Variants in HTT observed in about 807,000 individuals in gnomAD.
HTT encodes the protein huntington disease protein.
Under a neutral mutation model 362.3 loss-of-function variants are expected in HTT, and 104 were observed. The observed-to-expected ratio is 0.29, with a 90% CI of 0.24 to 0.34. The LOEUF is 0.34. Among genes scored for constraint, HTT ranks in the 10% least tolerant of loss-of-function variants. The probability of loss-of-function intolerance (pLI) is 1.00; values close to 1 mark genes in which losing one functional copy is unlikely to be tolerated. For missense variants in HTT, 3,301 were observed against 3,928.6 expected (o/e 0.84, Z 4.27); for synonymous variants, 1,577 against 1,548.7 (o/e 1.02, Z -0.43).
chr4:3,127,552 C>T lies in HTT; in HGVS notation c.1691C>T (p.Thr564Ile), dbSNP rs1209241826. The change falls in exon 12 of 67, where the codon ACC becomes ATC. Residue 564 changes from threonine (T) to isoleucine (I), a missense_variant. Physicochemically the swap from Thr to Ile is moderately conservative, Grantham distance 89 (BLOSUM62 -1). Transcript: ENST00000355072. ...TCGCCCATCAGCGACAGCTCCCAGA[C>T]CACCACCGAAGGGCCTGATTCAGCT... ...ASSPISDSSQ[T>I]TTEGPDSAVT... is the part of the protein sequence containing the mutation. 6.2e-7 allele frequency: 1 copy of T among 1,614,160 alleles called. No homozygotes were observed. The highest frequency in any genetic ancestry group is 1.1e-5 in the South Asian group (1 of 91,086).
intron 26 of HTT, among the ~76,000 whole-genome samples, chr4:3,151,072 G>A (rs1716864371): frequency 6.6e-6 from 1 of 151,728 alleles, no homozygotes. Context: ...AAAAAAACCA[G>A]GCTGCACAGG....
At chr4:3,221,841 A>G (rs1276361237) in intron 53 of HTT, among the ~76,000 whole-genome samples, 1 of 152,238 alleles carries the variant, frequency 6.6e-6, no homozygotes, top group East Asian at 1.9e-4. Context: ...CTATTCTTCT[A>G]GACAGGTCAG....
rs755283259 is a variant in HTT at position 3,132,554 on chromosome 4, C to G, written c.2237-8C>G. The G allele has an allele frequency of 6.2e-6, 10 of 1,611,358 alleles. No homozygotes were observed. The South Asian group carries it at 8.8e-5, about 14-fold the overall frequency. ...ATTGTTCCATGGCTGAGCAATTTAT[C>G]TCCACAGAGGAACAGTATGTCTCAG... On this transcript the variant is annotated splice_polypyrimidine_tract_variant and splice_region_variant and intron_variant, in intron 16 of 66. Transcript: ENST00000355072.
chr4:3,130,078 G>C (rs1715729895), intron 13 of HTT, 31 bp downstream of exon 13: 1 of 1,559,926 alleles, frequency 6.4e-7, no homozygotes, highest in Non-Finnish European at 8.6e-7. Context: ...GCGCTACAAA[G>C]TGGTTTGTAT....
chr4:3,197,596 T>A (rs1042921769), intron 40 of HTT, among the ~76,000 whole-genome samples: 2 of 152,118 alleles, frequency 1.3e-5, no homozygotes, highest in African/African-American at 2.4e-5. Context: ...CCTTGTGCAG[T>A]GCTGAGCCCT....
chr4:3,164,536 T>C (rs540761748), intron 29 of HTT, among the ~76,000 whole-genome samples: 16 of 152,186 alleles, frequency 1.1e-4, no homozygotes, highest in Non-Finnish European at 1.6e-4. Flanking sequence ...TGTTAAAGTC[T>C]CCCACTATTA....
At chr4:3,166,072 T>C (rs531145757) in intron 29 of HTT, among the ~76,000 whole-genome samples, 2 of 152,342 alleles carry the variant, frequency 1.3e-5, no homozygotes, top group Non-Finnish European at 2.9e-5. Context: ...TCTTTGATGT[T>C]GGTGACCTAC....
intron 59 of HTT, 80 bp from the exon 60 acceptor site, chr4:3,229,807 A>G (rs1578611533): frequency 1.4e-6 from 2 of 1,437,304 alleles, no homozygotes; most frequent in East Asian, 4.6e-5. Flanking sequence ...ACGACTTGCC[A>G]GTAGTAGCGT....
In HTT at chr4:3,229,828, T is replaced by C. The variant is rs975018254; in HGVS notation, c.8110-59T>C. 2.5e-6 allele frequency: 4 copies of C among 1,573,442 alleles called. No homozygotes were observed. In the African/African-American group the frequency reaches 5.4e-5, roughly 21 times the overall value. Reference sequence around the variant, plus strand: ...TGCCAGTAGTAGCGTTCTGGATGCGTTGCCTGGATTCTAACAGCGCGATTC... The same window carrying C: ...TGCCAGTAGTAGCGTTCTGGATGCGCTGCCTGGATTCTAACAGCGCGATTC... On this transcript the variant is annotated intron_variant, in intron 59 of 66. Coordinates refer to ENST00000355072, the MANE Select transcript of HTT (RefSeq NM_001388492.1).
chr4:3,230,849 G>A (rs1471791873), intron 60 of HTT, among the ~76,000 whole-genome samples: 1 of 152,182 alleles, frequency 6.6e-6, no homozygotes, highest in Non-Finnish European at 1.5e-5. Flanking sequence ...TTGTACTGTG[G>A]CACTGCAAAT....
Position 3,106,666 on chromosome 4 carries a change from T to G in HTT, c.609-619T>G, listed in dbSNP as rs114063540. 5.6e-3 allele frequency among the ~76,000 whole-genome samples: 854 copies of G among 152,174 alleles called. 6 individuals are homozygous for G. Among genetic ancestry groups the G allele is most frequent in the African/African-American group, 0.019 (810 of 41,544 alleles). ...TCATTAGTCTGATTAGAGTCAGGTT[T>G]TTCTTCCTCCTGATGGTTTTTTTTT... is the stretch of plus-strand genomic sequence containing the variant. On this transcript the variant is annotated intron_variant, in intron 5 of 66. Coordinates refer to ENST00000355072, the MANE Select transcript of HTT (RefSeq NM_001388492.1).
chr4:3,079,969 T>G (rs1712801987), intron 1 of HTT, among the ~76,000 whole-genome samples: 1 of 152,240 alleles, frequency 6.6e-6, no homozygotes, highest in African/African-American at 2.4e-5. Context: ...GTTATCAGGT[T>G]TGTATTCAGC....
At chr4:3,104,406 C>T (rs1375980246) in intron 4 of HTT, among the ~76,000 whole-genome samples, 14 of 151,666 alleles carry the variant, frequency 9.2e-5, no homozygotes, top group African/African-American at 2.7e-4. Context: ...ATCAGGAGTT[C>T]GAGACCAGCC....
intron 57 of HTT, among the ~76,000 whole-genome samples, chr4:3,226,620 G>A (rs549085397): frequency 5.0e-4 from 76 of 152,234 alleles, no homozygotes; most frequent in Non-Finnish European, 1.0e-3. Context: ...TCGCTCACCG[G>A]GTTCCTGATT....
At chr4:3,194,874 G>A (rs1343022201) in intron 40 of HTT, among the ~76,000 whole-genome samples, 1 of 152,180 alleles carries the variant, frequency 6.6e-6, no homozygotes, top group Admixed American at 6.5e-5. Flanking sequence ...AAAGGACAGG[G>A]CTACTAACAA....
At chr4:3,174,618 C>T (rs561040410) in intron 31 of HTT, 103 bp from the exon 32 acceptor site, 6 of 845,152 alleles carry the variant, frequency 7.1e-6, no homozygotes, top group South Asian at 4.5e-5. Flanking sequence ...ACGTTCTGAT[C>T]GTGTGAATGT....
Position 3,206,784 on chromosome 4 carries a change from G to A in HTT, c.5899-23G>A. Reference sequence around the variant, plus strand: ...CTGATTTGCAAAATAGTCATCTTTTGTTCTTTTCCTTCTTGCTGTTAGCCA... The same window carrying A: ...CTGATTTGCAAAATAGTCATCTTTTATTCTTTTCCTTCTTGCTGTTAGCCA... On this transcript the variant is annotated intron_variant, in intron 43 of 66. Transcript: ENST00000355072. The surrounding 1 kb of genome is among the most constrained non-coding windows in gnomAD (Gnocchi z 4.6). 2 of 1,592,110 alleles carry A rather than the reference G, an allele frequency of 1.3e-6. No individual in the cohort carries two copies. The highest frequency in any genetic ancestry group is 1.7e-6 in the Non-Finnish European group (2 of 1,167,062).
At chr4:3,169,061 T>C (rs10006373) in intron 29 of HTT, among the ~76,000 whole-genome samples, 28,590 of 149,890 alleles carry the variant, frequency 0.19, 4,241 homozygotes, top group African/African-American at 0.42. Flanking sequence ...CTCTGTCGCC[T>C]GCGTTGGAGT....
chr4:3,195,367 G>A (rs962138863), intron 40 of HTT, among the ~76,000 whole-genome samples: 1 of 151,938 alleles, frequency 6.6e-6, no homozygotes, highest in African/African-American at 2.4e-5. Flanking sequence ...CGGAGCTGCT[G>A]CGTGCAGCTG....
Sources: allele counts gnomAD v4.1 joint callset (sites outside exome capture counted in the v4.1 genomes callset), GRCh38; gene constraint gnomAD v4.1.1; non-coding constraint Gnocchi (gnomAD v3.1); transcripts MANE v1.5; gene names NCBI Gene and HGNC (gene_info 2026-07-23, HGNC 2026-07-21).